The following MACROD2 variants were observed in gnomAD, a reference collection of about 807,000 sequenced individuals.
MACROD2 encodes ADP-ribose glycohydrolase MACROD2.
Under a neutral mutation model 70.4 loss-of-function variants are expected in MACROD2, and 36 were observed. The observed-to-expected ratio is 0.51, with a 90% confidence interval of 0.39 to 0.68. The LOEUF is 0.68. Ranked by LOEUF, MACROD2 falls within the 30% of genes least tolerant of loss-of-function variation. The pLI is 0.00. For missense variants in MACROD2, 496 were observed against 538.4 expected (o/e 0.92, Z 0.78); for synonymous variants, 172 against 178.8 (o/e 0.96, Z 0.30).
intron 2 of MACROD2, among the ~76,000 whole-genome samples, chr20:14,017,240 C>T (rs990389596): frequency 6.6e-6 from 1 of 152,074 alleles, no homozygotes; most frequent in Admixed American, 6.5e-5. Flanking sequence ...TTCGGGTTTT[C>T]TGCATTTACG....
rs114412911 is a variant in MACROD2, at chr20:14,626,218, A to G, written c.302-58625A>G. ...GGGTAGTTGTGGGGGTGGGCACATT[A>G]CATTGGATGCTATCACATATCATAC... On this transcript the variant is annotated intron_variant, in intron 4 of 17. Coordinates refer to ENST00000684519, the MANE Select transcript of MACROD2 (RefSeq NM_001351661.2). Among the ~76,000 whole-genome samples the G allele has an allele frequency of 5.3e-3, 808 of 152,248 alleles. 15 individuals are homozygous for G. Among genetic ancestry groups the G allele is most frequent in the African/African-American group, 0.018 (767 of 41,562 alleles).
At chr20:15,513,261 G>A (rs879151673) in intron 8 of MACROD2, among the ~76,000 whole-genome samples, 11 of 151,724 alleles carry the variant, frequency 7.3e-5, no homozygotes, top group Admixed American at 5.9e-4. Context: ...CGTTCTGTTC[G>A]GGAGTCAAAG....
At chr20:15,594,025 A>T (rs575253957) in intron 8 of MACROD2, among the ~76,000 whole-genome samples, 159 of 152,032 alleles carry the variant, frequency 1.0e-3, no homozygotes, top group South Asian at 3.1e-3. Context: ...ACACATATCT[A>T]TCTGTGTGTT....
At chr20:15,187,580 A>G (rs1273646899) in intron 5 of MACROD2, among the ~76,000 whole-genome samples, 2 of 152,138 alleles carry the variant, frequency 1.3e-5, no homozygotes, top group African/African-American at 4.8e-5. Flanking sequence ...TTTTCCATGG[A>G]CATTCAGTGT....
At chr20:15,267,086 G>T (rs188742013) in intron 6 of MACROD2, among the ~76,000 whole-genome samples, 1 of 152,288 alleles carries the variant, frequency 6.6e-6, no homozygotes, top group Admixed American at 6.5e-5. Flanking sequence ...CTAAGGACAA[G>T]AGCATGCAAG....
intron 6 of MACROD2, among the ~76,000 whole-genome samples, chr20:15,408,998 C>A (rs2046041409): frequency 6.6e-6 from 1 of 152,072 alleles, no homozygotes; most frequent in South Asian, 2.1e-4. Context: ...ATGCATTAAG[C>A]CTCTTTTTTT....
At chr20:14,932,504 C>A (rs1325657690) in intron 5 of MACROD2, among the ~76,000 whole-genome samples, 1 of 152,122 alleles carries the variant, frequency 6.6e-6, no homozygotes, top group Non-Finnish European at 1.5e-5. Context: ...ACAAACACTT[C>A]CATTTCATGT....
At chr20:15,520,377 A>G (rs778046556) in intron 8 of MACROD2, among the ~76,000 whole-genome samples, 7 of 152,210 alleles carry the variant, frequency 4.6e-5, no homozygotes, top group Admixed American at 6.5e-5. Flanking sequence ...TGGTGGAACC[A>G]CACTTTCTGG....
chr20:14,865,347 T>G (rs533873412), intron 5 of MACROD2, among the ~76,000 whole-genome samples: 2 of 152,158 alleles, frequency 1.3e-5, no homozygotes, highest in South Asian at 4.2e-4. Context: ...CTTTGTGGTT[T>G]CCTGCCTTTG....
At chr20:15,613,065 C>T (rs2048991452) in intron 8 of MACROD2, among the ~76,000 whole-genome samples, 1 of 152,150 alleles carries the variant, frequency 6.6e-6, no homozygotes, top group African/African-American at 2.4e-5. Flanking sequence ...ATCTCTAGAC[C>T]TCTATCAGGT....
rs17623404 is a variant in MACROD2 at position 15,653,163 on chromosome 20, T to C, written c.645+153316T>C. Among the ~76,000 whole-genome samples the C allele has an allele frequency of 2.7e-4, 41 of 152,328 alleles. No individual in the cohort carries two copies. In the East Asian group the frequency reaches 7.3e-3, roughly 27 times the overall value. On this transcript the variant is annotated intron_variant, in intron 8 of 17. Transcript: ENST00000684519. ...TCTCTTACACCTAAAGTGAACCTTC[T>C]AGAGGTAATTGCCATCTGCATAGTT...
intron 5 of MACROD2, chr20:14,895,152 A>T (rs550476185): frequency 1.6e-4 from 25 of 152,306 alleles, no homozygotes; most frequent in African/African-American, 5.5e-4. Flanking sequence ...TCTGTGTGAG[A>T]TCTATGGAAA....
intron 8 of MACROD2, among the ~76,000 whole-genome samples, chr20:15,656,676 C>A (rs1271115330): frequency 1.3e-5 from 2 of 152,130 alleles, no homozygotes; most frequent in African/African-American, 4.8e-5. Flanking sequence ...TGTGTGAAAG[C>A]TAAACAGAGC....
chr20:14,172,306 T>TTTC (rs2081228793), intron 3 of MACROD2, among the ~76,000 whole-genome samples: 1 of 145,406 alleles, frequency 6.9e-6, no homozygotes, highest in African/African-American at 2.5e-5. Context: ...TCCGTACCTT[T>TTTC]TTTTTTTTTT....
At chr20:15,234,274 C>T (rs868620041) in intron 6 of MACROD2, among the ~76,000 whole-genome samples, 207 of 149,876 alleles carry the variant, frequency 1.4e-3, no homozygotes, top group African/African-American at 2.7e-3. Context: ...CCTCGTGATC[C>T]GCCCGCCTCG....
At chr20:16,012,775 A>G (rs984495552) in intron 15 of MACROD2, among the ~76,000 whole-genome samples, 2 of 152,230 alleles carry the variant, frequency 1.3e-5, no homozygotes, top group African/African-American at 2.4e-5. Flanking sequence ...ATGGGAGAGC[A>G]CGTGTGACAG....
intron 7 of MACROD2, among the ~76,000 whole-genome samples, chr20:15,491,273 C>T (rs2047228325): frequency 6.6e-6 from 1 of 152,076 alleles, no homozygotes. Flanking sequence ...AACTCCTCCC[C>T]AATTAATTAG....
chr20:14,049,230 A>C (rs2053527386), intron 2 of MACROD2, among the ~76,000 whole-genome samples: 1 of 151,592 alleles, frequency 6.6e-6, no homozygotes, highest in Non-Finnish European at 1.5e-5. Flanking sequence ...AGGTATTAAG[A>C]AGGGTGACAT....
At chr20:15,884,039 G>A (rs771708646) in intron 9 of MACROD2, among the ~76,000 whole-genome samples, 5 of 152,074 alleles carry the variant, frequency 3.3e-5, no homozygotes, top group Non-Finnish European at 7.4e-5. Context: ...GCTCTATGTA[G>A]TAGGCATTAT....
Sources: gnomAD v4.1 joint callset for allele counts (sites outside exome capture counted in the v4.1 genomes callset) on GRCh38, gnomAD v4.1.1 for gene constraint, MANE v1.5 for transcripts, NCBI Gene and HGNC (gene_info 2026-07-23, HGNC 2026-07-21) for gene names.